EBNA1BP2: variants seen among roughly 807,000 people sequenced by gnomAD.
EBNA1BP2 encodes probable rRNA-processing protein EBP2.
A neutral mutation model predicts 43.5 loss-of-function variants in EBNA1BP2; 36 were observed. That is an observed-to-expected ratio of 0.83 (90% CI 0.63 to 1.09). The LOEUF (loss-of-function observed/expected upper bound fraction) is 1.09, where lower values mean the gene tolerates loss of function less well. Among genes scored for constraint, EBNA1BP2 ranks in the 50% least tolerant of loss-of-function variants. The probability of loss-of-function intolerance (pLI) is 0.00; values close to 1 mark genes in which losing one functional copy is unlikely to be tolerated. For missense variants in EBNA1BP2, 332 were observed against 379.1 expected (o/e 0.88, Z 1.03); for synonymous variants, 127 against 141.3 (o/e 0.90, Z 0.72).
rs765659667 is a variant in EBNA1BP2 at position 43,164,698 on chromosome 1, C to T, written c.815G>A (p.Arg272Gln). The change falls in exon 8 of 9, where the codon CGG (arginine) becomes CAG (glutamine). Residue 272 changes from arginine to glutamine, a missense_variant. Arg to Gln is a conservative substitution (Grantham distance 43). Coordinates refer to ENST00000236051, the MANE Select transcript of EBNA1BP2 (RefSeq NM_006824.3). ...RESYDDVSSF[R>Q]AKTAHGRGLK... ...GCCTCTGCCATGAGCTGTCTTGGCC[C>T]GGAAGCTAGATACATCATCATAGCT... is the stretch of plus-strand genomic sequence containing the variant. 1.9e-6 allele frequency: 3 copies of T among 1,614,046 alleles called. No homozygotes were observed. The highest frequency in any genetic ancestry group is 1.3e-5 in the African/African-American group (1 of 74,914).
chr1:43,171,416 C>G, intron 3 of EBNA1BP2, 63 bp downstream of exon 3: 7 of 1,519,348 alleles, frequency 4.6e-6, no homozygotes, highest in Non-Finnish European at 6.2e-6. Context: ...TACTAATTTC[C>G]CCTCTTTCCC....
At chr1:43,171,812 T>C in intron 2 of EBNA1BP2, 74 bp downstream of exon 2, 1 of 1,587,408 alleles carries the variant, frequency 6.3e-7, no homozygotes, top group Non-Finnish European at 8.6e-7. Context: ...GGGACAAGAA[T>C]CGGTCTCCCA....
chr1:43,168,440 T>C (rs1052874239), intron 5 of EBNA1BP2, among the ~76,000 whole-genome samples: 3 of 152,226 alleles, frequency 2.0e-5, no homozygotes, highest in African/African-American at 2.4e-5. Context: ...CAGACATTCA[T>C]AGTTCAAACA....
intron 7 of EBNA1BP2, among the ~76,000 whole-genome samples, chr1:43,166,113 A>G (rs754153609): frequency 5.3e-5 from 8 of 152,250 alleles, no homozygotes; most frequent in Non-Finnish European, 1.0e-4. Context: ...CAGTCTTCAT[A>G]CTATGAGGCA....
chr1:43,171,817 C>T (rs1644977928), intron 2 of EBNA1BP2, 69 bp downstream of exon 2: 1 of 1,589,610 alleles, frequency 6.3e-7, no homozygotes, highest in Non-Finnish European at 8.6e-7. Context: ...AAGAATCGGT[C>T]TCCCAAGCCC....
rs573532249 is a variant in EBNA1BP2, at chr1:43,168,452, G to A, written c.537+487C>T. ...ACTCAGACATTCATAGTTCAAACAC[G>A]CAGGCAATCTTTCAGATTGGATGAC... On this transcript the variant is annotated intron_variant, in intron 5 of 8. Transcript: ENST00000236051. 7.8e-4 allele frequency among the ~76,000 whole-genome samples: 119 copies of A among 152,298 alleles called. 1 individual carries two copies. Among genetic ancestry groups the A allele is most frequent in the African/African-American group, 2.1e-3 (87 of 41,562 alleles).
chr1:43,164,691 C>A lies in EBNA1BP2; in HGVS notation c.822G>T (p.Lys274Asn), dbSNP rs1195167486. Residue 274 changes from lysine to asparagine, a missense_variant, in exon 8 of 9, where the codon AAG becomes AAT. By Grantham distance (94) the Lys-to-Asn change is moderately conservative (BLOSUM62 0). Around this residue, in one of 3 missense-constraint regions of EBNA1BP2, gnomAD observed 59 missense variants for 53.3 expected, o/e 1.11. Transcript: ENST00000236051. ...SYDDVSSFRA[K>N]TAHGRGLKRP... ...TCTTGAGGCCTCTGCCATGAGCTGT[C>A]TTGGCCCGGAAGCTAGATACATCAT... 6.2e-7 allele frequency: 1 copy of A among 1,614,210 alleles called. No individual in the cohort carries two copies. The highest frequency in any genetic ancestry group is 8.5e-7 in the Non-Finnish European group (1 of 1,180,038).
chr1:43,164,377 A>C lies in EBNA1BP2; in HGVS notation c.*66T>G. The C allele has an allele frequency of 6.3e-7, 1 of 1,591,614 alleles. No individual in the cohort carries two copies. Among genetic ancestry groups the C allele is most frequent in the Admixed American group, 1.7e-5 (1 of 59,938 alleles). The stretch of plus-strand genomic sequence containing the variant: ...CAACATGACACCAACAGAAGGGATC[A>C]AAGTGTGTCGTGAAATTGCGAGTCT... On this transcript the variant is annotated 3_prime_UTR_variant, in exon 9 of 9. Transcript: ENST00000236051.
chr1:43,166,825 C>T lies in EBNA1BP2; in HGVS notation c.707+1G>A. 1 of 1,610,248 alleles carries T rather than the reference C, an allele frequency of 6.2e-7. No homozygotes were observed. Among genetic ancestry groups the T allele is most frequent in the Non-Finnish European group, 8.5e-7 (1 of 1,179,062 alleles). Reference sequence around the variant, plus strand: ...AGAAACCATGCCAAAACCCTTCTCACCCCTTCCTCATCTGCTGGCCTTTGG... The same window carrying T: ...AGAAACCATGCCAAAACCCTTCTCATCCCTTCCTCATCTGCTGGCCTTTGG... On this transcript the variant is annotated splice_donor_variant, in intron 7 of 8. Coordinates refer to ENST00000236051, the MANE Select transcript of EBNA1BP2 (RefSeq NM_006824.3). LOFTEE classifies it high-confidence loss of function.
At chr1:43,168,323 A>G (rs946512148) in intron 5 of EBNA1BP2, among the ~76,000 whole-genome samples, 1 of 152,196 alleles carries the variant, frequency 6.6e-6, no homozygotes, top group African/African-American at 2.4e-5. Context: ...TCTTCCCACA[A>G]TCCTAACTTT....
intron 5 of EBNA1BP2, among the ~76,000 whole-genome samples, chr1:43,167,500 C>T (rs915626739): frequency 1.3e-5 from 2 of 152,082 alleles, no homozygotes; most frequent in African/African-American, 4.8e-5. Flanking sequence ...TTGCCCAAGT[C>T]GCACAGTGAA....
At chr1:43,168,819 G>T in intron 5 of EBNA1BP2, 120 bp downstream of exon 5, 1 of 1,013,224 alleles carries the variant, frequency 9.9e-7, no homozygotes, top group Non-Finnish European at 1.5e-6. Context: ...TACACTGAGA[G>T]ACGGTAAATA....
At chr1:43,172,383 G>T (rs1457145480), upstream of EBNA1BP2, 1 of 1,551,558 alleles carries the variant, frequency 6.4e-7, no homozygotes, top group Admixed American at 2.0e-5. Flanking sequence ...AAGTGTCCGG[G>T]TTGCTTAGGA....
At chr1:43,168,574 GA>G (rs1644933198) in intron 5 of EBNA1BP2, among the ~76,000 whole-genome samples, 1 of 152,176 alleles carries the variant, frequency 6.6e-6, no homozygotes, top group African/African-American at 2.4e-5. Flanking sequence ...AGCTTTTGGG[GA>G]AGAGGGGAAA....
intron 4 of EBNA1BP2, among the ~76,000 whole-genome samples, chr1:43,169,387 C>T (rs1782381): frequency 0.2 from 30,698 of 152,112 alleles, 3,598 homozygotes; most frequent in Middle Eastern, 0.3. Context: ...ACCACATACA[C>T]AATAAAAACC....
chr1:43,164,575 G>A (rs1569718288), intron 8 of EBNA1BP2, 68 bp downstream of exon 8: 2 of 1,613,968 alleles, frequency 1.2e-6, no homozygotes, highest in Non-Finnish European at 1.7e-6. Context: ...ACTGAAGGGA[G>A]AGGGCAGGGT....
At chr1:43,168,344 A>AT (rs1429084466) in intron 5 of EBNA1BP2, among the ~76,000 whole-genome samples, 2 of 152,220 alleles carry the variant, frequency 1.3e-5, no homozygotes, top group Non-Finnish European at 2.9e-5. Context: ...AAAATCTGTC[A>AT]TCTTCTTTCT....
At chr1:43,172,298 G>A (rs773438459), upstream of EBNA1BP2, 8 of 1,551,822 alleles carry the variant, frequency 5.2e-6, no homozygotes, top group Non-Finnish European at 7.0e-6. Flanking sequence ...CTCAACTTTT[G>A]ATTGGGACTT....
Position 43,164,347 on chromosome 1 carries a change from G to T in EBNA1BP2, c.*96C>A. ...TTTTCTTTAGTTTATTGAAAGAAAT[G>T]TTTACAACATGACACCAACAGAAGG... On this transcript the variant is annotated 3_prime_UTR_variant, in exon 9 of 9. Transcript: ENST00000236051. 6.8e-7 allele frequency: 1 copy of T among 1,467,786 alleles called. No homozygotes were observed. 90.9% of individuals were successfully genotyped at this position (1,467,786 alleles called of 1,614,324 possible). A position where few individuals can be genotyped will look rare whatever the true frequency, so the allele number is the denominator to read the frequency against.
Sources: gnomAD v4.1 joint callset for allele counts (sites outside exome capture counted in the v4.1 genomes callset) on GRCh38, gnomAD v4.1.1 for gene constraint, gnomAD v4.1.1 regional missense constraint, MANE v1.5 for transcripts, NCBI Gene and HGNC (gene_info 2026-07-23, HGNC 2026-07-21) for gene names.